Variants in CALN1 observed in about 807,000 individuals in gnomAD.
The protein encoded by CALN1 is calneuron 1.
A neutral mutation model predicts 30.6 loss-of-function variants in CALN1; 17 were observed. That is an observed-to-expected ratio of 0.56 (90% CI 0.38 to 0.83). CALN1 has a LOEUF of 0.83. CALN1 is among the 40% of genes least tolerant of loss of function. The probability of loss-of-function intolerance (pLI) is 0.00; values close to 1 mark genes in which losing one functional copy is unlikely to be tolerated. For missense variants in CALN1, 291 were observed against 354.9 expected, an observed-to-expected ratio of 0.82 and a Z score of 1.45; for synonymous variants, 156 against 131.4, an observed-to-expected ratio of 1.19 and a Z score of -1.28.
chr7:71,912,128 C>T (rs553598713), intron 5 of CALN1, among the ~76,000 whole-genome samples: 1 of 152,128 alleles, frequency 6.6e-6, no homozygotes, highest in African/African-American at 2.4e-5. Flanking sequence ...CACTTTAAAG[C>T]GGACCTCAGT....
intron 5 of CALN1, among the ~76,000 whole-genome samples, chr7:71,834,166 G>A (rs1391096905): frequency 7.5e-6 from 1 of 134,040 alleles, no homozygotes; most frequent in African/African-American, 2.8e-5. Context: ...AGGTTGCAGT[G>A]AGCCATCATG....
intron 4 of CALN1, among the ~76,000 whole-genome samples, chr7:72,064,897 TA>T (rs199896287): frequency 1.2e-3 from 172 of 146,512 alleles, no homozygotes; most frequent in African/African-American, 2.7e-3. Context: ...CTGATCTTTT[TA>T]AAAAAAAAAA....
intron 2 of CALN1, among the ~76,000 whole-genome samples, chr7:72,390,387 C>A (rs1434867394): frequency 6.6e-6 from 1 of 151,754 alleles, no homozygotes; most frequent in Non-Finnish European, 1.5e-5. Flanking sequence ...GCCGAGATCA[C>A]GCCACTGCAC....
chr7:72,375,692 G>A (rs1357343421), intron 2 of CALN1, among the ~76,000 whole-genome samples: 2 of 152,086 alleles, frequency 1.3e-5, no homozygotes, highest in African/African-American at 2.4e-5. Flanking sequence ...ATATTGCCCA[G>A]GCTGGTCTTG....
the CALN1 span, among the ~76,000 whole-genome samples, chr7:72,484,618 A>T: frequency 1.3e-5 from 2 of 152,026 alleles, no homozygotes; most frequent in Non-Finnish European, 1.5e-5. Flanking sequence ...GTAACTCAGG[A>T]TTCCTCTGTG....
At chr7:72,400,845 A>G (rs143228189) in intron 2 of CALN1, among the ~76,000 whole-genome samples, 26 of 152,256 alleles carry the variant, frequency 1.7e-4, no homozygotes, top group Non-Finnish European at 3.5e-4. Flanking sequence ...TTTACTTCTG[A>G]TAACTCTCCT....
intron 3 of CALN1, among the ~76,000 whole-genome samples, chr7:72,216,917 AT>A (rs34994592): frequency 0.71 from 107,351 of 151,554 alleles, 38,681 homozygotes; most frequent in East Asian, 1. Flanking sequence ...ACACCCACTG[AT>A]TTTTTTTAAG....
chr7:72,241,407 T>C (rs1329540182), intron 3 of CALN1, among the ~76,000 whole-genome samples: 1 of 152,022 alleles, frequency 6.6e-6, no homozygotes, highest in Non-Finnish European at 1.5e-5. Flanking sequence ...ACACATTTAC[T>C]TAAACAAAAA....
At chr7:72,272,511 G>A (rs936745971) in intron 3 of CALN1, among the ~76,000 whole-genome samples, 34 of 152,138 alleles carry the variant, frequency 2.2e-4, no homozygotes, top group Middle Eastern at 3.4e-3. Context: ...GCAGTGAGCC[G>A]AAATCGCACC....
At chr7:72,130,116 C>T (rs1001307390) in intron 3 of CALN1, among the ~76,000 whole-genome samples, 18 of 152,296 alleles carry the variant, frequency 1.2e-4, no homozygotes, top group African/African-American at 2.6e-4. Flanking sequence ...TGCACACATC[C>T]GCTCCCCTTC....
chr7:71,880,473 T>TTCCCC (rs1363700513), intron 5 of CALN1, among the ~76,000 whole-genome samples: 1 of 152,174 alleles, frequency 6.6e-6, no homozygotes, highest in East Asian at 1.9e-4. Context: ...CTTCCTTCCC[T>TTCCCC]TCCCCTCTCT....
rs1255224065 is a variant in CALN1, at chr7:71,948,712, CAG to C, written c.501+74943_501+74944del. ...TGCCACTGCACTCCAGCCTGGGTGA[CAG>C]AGAGAGACTCTGTCTCAAAAAAAAA... On this transcript the variant is annotated intron_variant, in intron 5 of 6. Transcript: ENST00000395275. Among the ~76,000 whole-genome samples the C allele has an allele frequency of 3.5e-5, 5 of 144,430 alleles. No homozygotes were observed. In the South Asian group the frequency reaches 6.8e-4, roughly 20 times the overall value. The allele number at this position is 144,430 out of a possible 152,430, so 94.8% of individuals were successfully genotyped here. A position where few individuals can be genotyped will look rare whatever the true frequency, so the allele number is the denominator to read the frequency against.
chr7:72,147,160 C>T (rs1031311635), intron 3 of CALN1, among the ~76,000 whole-genome samples: 6 of 152,148 alleles, frequency 3.9e-5, no homozygotes, highest in African/African-American at 1.4e-4. Flanking sequence ...GCAAAAGAAA[C>T]TACCATCAGA....
At chr7:72,363,384 A>G (rs1383388686) in intron 2 of CALN1, among the ~76,000 whole-genome samples, 1 of 152,076 alleles carries the variant, frequency 6.6e-6, no homozygotes, top group Non-Finnish European at 1.5e-5. Context: ...GATTACAGGC[A>G]GGCACCACCA....
intron 3 of CALN1, among the ~76,000 whole-genome samples, chr7:72,126,078 C>T (rs1356733037): frequency 6.6e-6 from 1 of 152,184 alleles, no homozygotes; most frequent in African/African-American, 2.4e-5. Context: ...GGATTACAGG[C>T]GTGAGCCACC....
intron 5 of CALN1, among the ~76,000 whole-genome samples, chr7:71,972,881 G>A (rs866008312): frequency 2.0e-5 from 3 of 152,088 alleles, no homozygotes; most frequent in Admixed American, 6.5e-5. Flanking sequence ...GCGATCTTTT[G>A]TTTGTTCCCC....
intron 5 of CALN1, among the ~76,000 whole-genome samples, chr7:71,845,042 C>G (rs1010393893): frequency 1.3e-5 from 2 of 152,058 alleles, no homozygotes; most frequent in Middle Eastern, 3.2e-3. Flanking sequence ...TGCCACCACA[C>G]CAGGCTAATT....
rs1343633556 is a variant in CALN1 at position 72,014,190 on chromosome 7, G to A, written c.501+9467C>T. Among the ~76,000 whole-genome samples the A allele has an allele frequency of 3.3e-5, 5 of 150,912 alleles. No individual in the cohort carries two copies. In the Admixed American group the frequency reaches 3.3e-4, roughly 10 times the overall value. On this transcript the variant is annotated intron_variant, in intron 5 of 6. Coordinates refer to ENST00000395275, the MANE Select transcript of CALN1 (RefSeq NM_031468.4). Reference sequence around the variant, plus strand: ...CAGCCTCCGTCCCCTGGGCTCCGGTGATTCCCCTGCCTCAGCCTCCCAGGT... The same window carrying A: ...CAGCCTCCGTCCCCTGGGCTCCGGTAATTCCCCTGCCTCAGCCTCCCAGGT...
chr7:72,253,469 G>C (rs968620919), intron 3 of CALN1, among the ~76,000 whole-genome samples: 4 of 152,172 alleles, frequency 2.6e-5, no homozygotes, highest in African/African-American at 9.7e-5. Context: ...TCACAGTTCT[G>C]CATGGCTAAG....
Sources: allele counts gnomAD v4.1 joint callset (sites outside exome capture counted in the v4.1 genomes callset), GRCh38; gene constraint gnomAD v4.1.1; transcripts MANE v1.5; gene names NCBI Gene and HGNC (gene_info 2026-07-23, HGNC 2026-07-21).